Variants in TRPA1 observed in about 807,000 individuals in gnomAD.
The protein encoded by TRPA1 is transient receptor potential cation channel subfamily A member 1, also known as ankyrin-like with transmembrane domains 1.
In TRPA1, 129 loss-of-function variants were observed where a neutral mutation model predicts 131.3. The observed-to-expected ratio is 0.98, with a 90% CI of 0.85 to 1.14. TRPA1 has a LOEUF of 1.14. TRPA1 is among the 50% of genes most tolerant of loss of function. The pLI is 0.00. For missense variants in TRPA1, 1,304 were observed against 1,354.2 expected (o/e 0.96, Z 0.58); for synonymous variants, 441 against 451.7 (o/e 0.98, Z 0.30).
rs377402338 is a variant in TRPA1 at position 72,075,344 on chromosome 8, A to T, written c.66T>A (p.Tyr22Ter). 15 of 1,613,168 alleles carry T rather than the reference A, an allele frequency of 9.3e-6. No individual in the cohort carries two copies. Among genetic ancestry groups the T allele is most frequent in the Non-Finnish European group, 1.2e-5 (14 of 1,179,834 alleles). The change falls in exon 1 of 27, where the codon TAT (tyrosine) becomes TAA (stop). Residue 22 changes from tyrosine (Y) to a stop codon, truncating the protein, a stop_gained. Transcript: ENST00000262209. LOFTEE classifies it high-confidence loss of function. ...GEKKEPQGVV[Y>*]EDVPDDTEDF... Reference sequence around the variant, plus strand: ...CCTCCGTGTCGTCCGGCACATCCTCATAGACAACGCCCTGGGGCTCCTTCT... The same window carrying T: ...CCTCCGTGTCGTCCGGCACATCCTCTTAGACAACGCCCTGGGGCTCCTTCT...
intron 17 of TRPA1, 129 bp from the exon 18 acceptor site, chr8:72,039,926 GAAAAAAATA>G: frequency 1.5e-6 from 1 of 665,602 alleles, no homozygotes; most frequent in Non-Finnish European, 2.6e-6. Context: ...TTAGAACATT[GAAAAAAATA>G]AAAATTAGAT....
At position 72,062,869 on chromosome 8, in the gene TRPA1, G is replaced by A; in HGVS notation, c.737C>T (p.Ala246Val). 4 of 1,614,002 alleles carry A rather than the reference G, an allele frequency of 2.5e-6. No homozygotes were observed. Among genetic ancestry groups the A allele is most frequent in the East Asian group, 2.2e-5 (1 of 44,868 alleles). ...CATTTCCAAGTCACCATTTTGCACA[G>A]CCAGGTGGAGAGGGGTGGCTTTCCC... ...NNGKATPLHL[A>V]VQNGDLEMIK... is the part of the protein sequence containing the mutation. The change falls in exon 6 of 27, where the codon GCT becomes GTT. Residue 246 changes from alanine to valine, a missense_variant. Ala to Val is a moderately conservative substitution (Grantham distance 64). Coordinates refer to ENST00000262209, the MANE Select transcript of TRPA1 (RefSeq NM_007332.3).
intron 7 of TRPA1, 106 bp downstream of exon 7, chr8:72,061,519 A>C: frequency 1.4e-6 from 2 of 1,396,982 alleles, no homozygotes; most frequent in Non-Finnish European, 2.0e-6. Context: ...TTTTCCTTTG[A>C]ACCACAAAAT....
intron 1 of TRPA1, among the ~76,000 whole-genome samples, chr8:72,072,255 G>A (rs1806080104): frequency 6.6e-6 from 1 of 152,020 alleles, no homozygotes; most frequent in Non-Finnish European, 1.5e-5. Context: ...TTGTCATTTT[G>A]AAGAAAACTA....
the TRPA1 span, among the ~76,000 whole-genome samples, chr8:72,089,454 A>G: frequency 6.6e-6 from 1 of 152,144 alleles, no homozygotes; most frequent in Non-Finnish European, 1.5e-5. Context: ...ATTTTATTAT[A>G]TGTGGAAGCT....
the TRPA1 span, among the ~76,000 whole-genome samples, chr8:72,086,608 C>A: frequency 6.6e-6 from 1 of 152,278 alleles, no homozygotes; most frequent in Middle Eastern, 3.4e-3. Flanking sequence ...TTTGCAGATA[C>A]AGTGTCATAT....
Position 72,033,172 on chromosome 8 carries a change from G to C in TRPA1, c.2868+472C>G, listed in dbSNP as rs116803732. Among the ~76,000 whole-genome samples the C allele has an allele frequency of 2.1e-3, 313 of 152,332 alleles. 4 individuals carry two copies. The highest frequency in any genetic ancestry group is 6.7e-3 in the African/African-American group (280 of 41,582). ...CTGGTCAATGGTAAGTTCGAGCATA[G>C]AGATATGTTCCATAAAGGTCTCTGC... is the stretch of plus-strand genomic sequence containing the variant. On this transcript the variant is annotated intron_variant, in intron 23 of 26. Transcript: ENST00000262209.
chr8:72,050,443 A>G (rs963249484), intron 15 of TRPA1, among the ~76,000 whole-genome samples: 3 of 152,200 alleles, frequency 2.0e-5, no homozygotes, highest in African/African-American at 7.2e-5. Context: ...AACATTAGCA[A>G]TTCATGCACA....
intron 23 of TRPA1, among the ~76,000 whole-genome samples, chr8:72,030,933 T>A (rs1811791599): frequency 6.6e-6 from 1 of 152,212 alleles, no homozygotes. Context: ...TATTTTCTGG[T>A]ACTTAGTTCC....
intron 14 of TRPA1, among the ~76,000 whole-genome samples, chr8:72,051,348 T>G (rs1462744467): frequency 6.6e-6 from 1 of 152,156 alleles, no homozygotes; most frequent in Admixed American, 6.5e-5. Context: ...TTGATAAGCA[T>G]AGCCTCTGCC....
the TRPA1 span, among the ~76,000 whole-genome samples, chr8:72,085,414 T>G: frequency 1.3e-5 from 2 of 149,412 alleles, no homozygotes; most frequent in African/African-American, 2.4e-5. Context: ...AGTTATTTAT[T>G]TATATACTTA....
intron 24 of TRPA1, among the ~76,000 whole-genome samples, chr8:72,029,403 T>A (rs968812401): frequency 6.6e-6 from 1 of 152,170 alleles, no homozygotes; most frequent in African/African-American, 2.4e-5. Context: ...TGTATCAACT[T>A]TGATTAGAGC....
intron 24 of TRPA1, among the ~76,000 whole-genome samples, chr8:72,029,518 T>C (rs1811729658): frequency 6.6e-6 from 1 of 152,190 alleles, no homozygotes; most frequent in African/African-American, 2.4e-5. Flanking sequence ...GTAACGATAA[T>C]GGTGTTAATT....
At chr8:72,029,269 G>A (rs974606403) in intron 24 of TRPA1, among the ~76,000 whole-genome samples, 2 of 152,170 alleles carry the variant, frequency 1.3e-5, no homozygotes, top group Non-Finnish European at 2.9e-5. Context: ...TTTGAACAGC[G>A]GGGCTAGGAT....
At chr8:72,079,723 T>C (rs1451192510), upstream of TRPA1, among the ~76,000 whole-genome samples, 1 of 151,942 alleles carries the variant, frequency 6.6e-6, no homozygotes, top group Non-Finnish European at 1.5e-5. Flanking sequence ...GTATGCCTGT[T>C]GCATTTAGTC....
chr8:72,031,857 T>G lies in TRPA1; in HGVS notation c.2868+1787A>C, dbSNP rs551648208. 3.3e-5 allele frequency among the ~76,000 whole-genome samples: 5 copies of G among 152,338 alleles called. No homozygotes were observed. The South Asian group carries it at 1.0e-3, about 32-fold the overall frequency. On this transcript the variant is annotated intron_variant, in intron 23 of 26. Transcript: ENST00000262209. The stretch of plus-strand genomic sequence containing the variant: ...CAATAATCTAGGAAGTAGGTTTTAT[T>G]ATTATTAAATGTTTGTATCCTCAAA...
chr8:72,062,744 T>C, intron 6 of TRPA1, 55 bp downstream of exon 6: 1 of 1,551,060 alleles, frequency 6.4e-7, no homozygotes, highest in African/African-American at 1.4e-5. Flanking sequence ...TAAAGCATTT[T>C]ATATGTTTAT....
chr8:72,078,975 CTAAT>C (rs1481076984), upstream of TRPA1, among the ~76,000 whole-genome samples: 1 of 151,936 alleles, frequency 6.6e-6, no homozygotes, highest in African/African-American at 2.4e-5. Flanking sequence ...CATTGAGTCT[CTAAT>C]TAGTATTTCC....
intron 12 of TRPA1, chr8:72,054,709 C>T (rs1805616808): frequency 6.6e-6 from 1 of 152,304 alleles, no homozygotes. Context: ...ATTCATGTAG[C>T]TGTAGCACCA....
Sources: gnomAD v4.1 joint callset for allele counts (sites outside exome capture counted in the v4.1 genomes callset) on GRCh38, gnomAD v4.1.1 for gene constraint, MANE v1.5 for transcripts, NCBI Gene and HGNC (gene_info 2026-07-23, HGNC 2026-07-21) for gene names.